The following ISM1 variants were observed in gnomAD, a reference collection of about 807,000 sequenced individuals.
The protein encoded by ISM1 is isthmin-1.
ISM1 carries 25 observed loss-of-function variants against 46.3 expected under a neutral mutation model. The ratio of observed to expected loss-of-function variants is 0.54; its 90% CI spans 0.39 to 0.75. ISM1 has a LOEUF of 0.75. Ranked by LOEUF, ISM1 falls within the 30% of genes least tolerant of loss-of-function variation. The probability of loss-of-function intolerance (pLI) is 0.00; values close to 1 mark genes in which losing one functional copy is unlikely to be tolerated. For missense variants in ISM1, 536 were observed against 625.4 expected (o/e 0.86, Z 1.52); for synonymous variants, 255 against 256.7 (o/e 0.99, Z 0.06).
intron 5 of ISM1, among the ~76,000 whole-genome samples, chr20:13,293,801 C>T (rs1327779316): frequency 6.6e-6 from 1 of 151,920 alleles, no homozygotes; most frequent in Non-Finnish European, 1.5e-5. Flanking sequence ...TGGGGAAACC[C>T]CATCTCTACT....
At chr20:13,278,239 C>A (rs6041984) in intron 2 of ISM1, among the ~76,000 whole-genome samples, 9,749 of 152,160 alleles carry the variant, frequency 0.064, 429 homozygotes, top group African/African-American at 0.12. Flanking sequence ...CTTCATTCTT[C>A]CAGCCCCGTG....
chr20:13,280,138 T>A (rs1046010573), intron 3 of ISM1, among the ~76,000 whole-genome samples: 1 of 152,172 alleles, frequency 6.6e-6, no homozygotes, highest in Non-Finnish European at 1.5e-5. Context: ...GAAGAGATAA[T>A]TTTTTTAGGA....
rs1600466855 is a variant in ISM1, at chr20:13,221,301, C to A, written c.-476C>A. Among the ~76,000 whole-genome samples, 1 of 148,290 alleles carries A rather than the reference C, an allele frequency of 6.7e-6. No individual in the cohort carries two copies. The highest frequency in any genetic ancestry group is 2.1e-4 in the South Asian group (1 of 4,748). On this transcript the variant is annotated 5_prime_UTR_variant, in exon 1 of 6. Coordinates refer to ENST00000262487, the MANE Select transcript of ISM1 (RefSeq NM_080826.2). ...CCTCCTCCTCCCCGCGCTTCTCTGG[C>A]GGCCGCTCCCGCTCCAGCTGCGGCG...
chr20:13,229,210 G>T (rs897657176), intron 1 of ISM1, among the ~76,000 whole-genome samples: 3 of 151,694 alleles, frequency 2.0e-5, no homozygotes, highest in Admixed American at 6.6e-5. Context: ...TAAAATGGAT[G>T]AATCTTAAGG....
intron 5 of ISM1, 73 bp downstream of exon 5, chr20:13,292,536 A>G: frequency 2.3e-6 from 2 of 885,562 alleles, no homozygotes; most frequent in Middle Eastern, 4.3e-4. Flanking sequence ...TTGCAATGCC[A>G]TCCTTGGATC....
chr20:13,275,895 A>G (rs1404191859), intron 2 of ISM1, among the ~76,000 whole-genome samples: 1 of 152,236 alleles, frequency 6.6e-6, no homozygotes, highest in Non-Finnish European at 1.5e-5. Context: ...TCTCCAAGCC[A>G]GTTTCCGTCC....
chr20:13,266,189 C>G (rs2040041142), intron 1 of ISM1, among the ~76,000 whole-genome samples: 1 of 152,134 alleles, frequency 6.6e-6, no homozygotes, highest in African/African-American at 2.4e-5. Context: ...CCACCTGAAA[C>G]AAACACCAAG....
chr20:13,283,126 C>T (rs995136669), intron 3 of ISM1, among the ~76,000 whole-genome samples: 1 of 152,106 alleles, frequency 6.6e-6, no homozygotes, highest in African/African-American at 2.4e-5. Flanking sequence ...CTGAAGCCTC[C>T]AACTCCTGGG....
At chr20:13,293,021 C>G (rs1376160989) in intron 5 of ISM1, among the ~76,000 whole-genome samples, 1 of 151,556 alleles carries the variant, frequency 6.6e-6, no homozygotes, top group Non-Finnish European at 1.5e-5. Context: ...ATGGTGAAAC[C>G]CCCCCGTCTC....
rs1479575084 is a variant in ISM1, at chr20:13,221,781, T to C, written c.5T>C (p.Val2Ala). 2.1e-6 allele frequency: 3 copies of C among 1,448,526 alleles called. No individual in the cohort carries two copies. The highest frequency in any genetic ancestry group is 2.7e-6 in the Non-Finnish European group (3 of 1,105,804). The allele number at this position is 1,448,526 out of a possible 1,614,324, so 89.7% of individuals were successfully genotyped here. The change falls in exon 1 of 6, where the codon GTG (valine) becomes GCG (alanine). Residue 2 changes from valine (V) to alanine (A), a missense_variant. Transcript: ENST00000262487. ...AAAGCCGCGCGTCTCAAAAGGATGG[T>C]GCGCCTGGCGGCCGAGCTGCTGCTG... MVRLAAELLLLL... is the reference protein window; with the variant it reads MARLAAELLLLL...
chr20:13,269,529 G>A (rs989462970), intron 1 of ISM1, among the ~76,000 whole-genome samples: 1 of 152,008 alleles, frequency 6.6e-6, no homozygotes, highest in Non-Finnish European at 1.5e-5. Context: ...CAACAGCTTC[G>A]CTGGCCATTC....
At chr20:13,278,553 G>A (rs1032066074) in intron 2 of ISM1, among the ~76,000 whole-genome samples, 6 of 152,188 alleles carry the variant, frequency 3.9e-5, no homozygotes, top group Non-Finnish European at 8.8e-5. Flanking sequence ...GGACAGCATG[G>A]GCTCTAGAAC....
At chr20:13,231,809 T>C (rs1248694599) in intron 1 of ISM1, among the ~76,000 whole-genome samples, 2 of 152,178 alleles carry the variant, frequency 1.3e-5, no homozygotes, top group Non-Finnish European at 2.9e-5. Flanking sequence ...GTCTCTGAGC[T>C]GCCTGATTTG....
At chr20:13,269,959 G>GGAT (rs2040092820) in intron 1 of ISM1, among the ~76,000 whole-genome samples, 1 of 151,978 alleles carries the variant, frequency 6.6e-6, no homozygotes, top group Non-Finnish European at 1.5e-5. Context: ...ATGGATGGAT[G>GGAT]GATGGATAGA....
At chr20:13,250,911 A>G (rs957538390) in intron 1 of ISM1, among the ~76,000 whole-genome samples, 1 of 152,098 alleles carries the variant, frequency 6.6e-6, no homozygotes, top group African/African-American at 2.4e-5. Context: ...CTTTGCCCCC[A>G]TCTATTTTAC....
chr20:13,314,972 G>A, the ISM1 span, among the ~76,000 whole-genome samples: 7 of 151,982 alleles, frequency 4.6e-5, no homozygotes, highest in Admixed American at 4.6e-4. Flanking sequence ...AAGTGGACTT[G>A]GATTAGTTGT....
chr20:13,223,169 AAAT>A (rs2039472578), intron 1 of ISM1, among the ~76,000 whole-genome samples: 3 of 145,172 alleles, frequency 2.1e-5, no homozygotes, highest in Admixed American at 6.7e-5. Flanking sequence ...AAAAAAAATA[AAAT>A]AAAATAAAAT....
chr20:13,306,564 C>CAAAAAAAAAAAAAAAAAAAAAAAAAAA, the ISM1 span, among the ~76,000 whole-genome samples: 7 of 63,906 alleles, frequency 1.1e-4, no homozygotes, highest in Admixed American at 2.2e-4. Context: ...GGAGAAAGGA[C>CAAAAAAAAAAAAAAAAAAAAAAAAAAA]AAAAAAAAAA....
intron 4 of ISM1, among the ~76,000 whole-genome samples, chr20:13,290,620 T>C (rs2123314337): frequency 6.6e-6 from 1 of 152,030 alleles, no homozygotes; most frequent in Non-Finnish European, 1.5e-5. Flanking sequence ...ATCGGGCCAC[T>C]GCACTCCAGC....
Sources: allele counts gnomAD v4.1 joint callset (sites outside exome capture counted in the v4.1 genomes callset), GRCh38; gene constraint gnomAD v4.1.1; transcripts MANE v1.5; gene names NCBI Gene and HGNC (gene_info 2026-07-23, HGNC 2026-07-21).